The following TOGARAM2 variants were observed in gnomAD, a reference collection of about 807,000 sequenced individuals.
TOGARAM2 encodes the protein TOG array regulator of axonemal microtubules protein 2.
A neutral mutation model predicts 93.3 loss-of-function variants in TOGARAM2; 85 were observed. That is an observed-to-expected ratio of 0.91 (90% CI 0.76 to 1.09). The LOEUF (loss-of-function observed/expected upper bound fraction) is 1.09. TOGARAM2 is among the 50% of genes least tolerant of loss of function. The probability of loss-of-function intolerance (pLI) is 0.00; values close to 1 mark genes in which losing one functional copy is unlikely to be tolerated. For synonymous variants in TOGARAM2, 593 were observed against 552.8 expected (o/e 1.07, Z -1.02); for missense variants, 1,277 against 1,334.5 (o/e 0.96, Z 0.67).
rs181680313 is a variant in TOGARAM2 at position 29,044,149 on chromosome 2, G to T, written c.2636-1175G>T. On this transcript the variant is annotated intron_variant, in intron 18 of 19. Coordinates refer to ENST00000379558, the MANE Select transcript of TOGARAM2 (RefSeq NM_199280.4). ...CTGGGCAGCCAGGGAGCTGCGCCTC[G>T]CAGCTGGGTGTGGCTGGATGGTTGG... Among the ~76,000 whole-genome samples, 379 of 152,332 alleles carry T rather than the reference G, an allele frequency of 2.5e-3. 5 individuals carry two copies. Among genetic ancestry groups the T allele is most frequent in the African/African-American group, 8.8e-3 (365 of 41,576 alleles).
chr2:28,984,506 A>G (rs2148242378), intron 1 of TOGARAM2, among the ~76,000 whole-genome samples: 2 of 152,276 alleles, frequency 1.3e-5, no homozygotes, highest in Middle Eastern at 6.8e-3. Flanking sequence ...TTTGGACAAG[A>G]TGCTTTCTTG....
chr2:29,013,390 G>T (rs571400179), intron 7 of TOGARAM2, among the ~76,000 whole-genome samples: 1 of 152,140 alleles, frequency 6.6e-6, no homozygotes. Flanking sequence ...GGGAGAATTG[G>T]CTCACACGAT....
intron 1 of TOGARAM2, among the ~76,000 whole-genome samples, chr2:28,993,077 A>T (rs1245706725): frequency 7.2e-6 from 1 of 138,690 alleles, no homozygotes; most frequent in African/African-American, 2.7e-5. Context: ...AAAAAAAAAA[A>T]ATCAGAAGTT....
intron 1 of TOGARAM2, among the ~76,000 whole-genome samples, chr2:28,976,218 AT>A (rs1474644004): frequency 1.3e-5 from 2 of 152,124 alleles, no homozygotes; most frequent in Admixed American, 6.5e-5. Flanking sequence ...AAAATACAAA[AT>A]AATTAGCCGG....
intron 1 of TOGARAM2, among the ~76,000 whole-genome samples, chr2:28,971,812 T>G (rs1331745810): frequency 6.6e-6 from 1 of 152,212 alleles, no homozygotes; most frequent in Non-Finnish European, 1.5e-5. Flanking sequence ...AAATATTATT[T>G]GAATCGAATG....
Position 29,024,144 on chromosome 2 carries a change from C to G in TOGARAM2, c.1623C>G (p.Thr541=). ...DVCLVVTGEV[T]NLRSKVSHLA... is the part of the protein sequence containing the mutation. ...GCCTCTCTCCTCTCTCCAAGGTCAC[C>G]AACCTGCGGTCCAAGGTGTCTCACC... Residue 541 remains threonine, a synonymous_variant, in exon 13 of 20, where the codon ACC becomes ACG. Coordinates refer to ENST00000379558, the MANE Select transcript of TOGARAM2 (RefSeq NM_199280.4). 1 of 1,571,850 alleles carries G rather than the reference C, an allele frequency of 6.4e-7. No homozygotes were observed. Among genetic ancestry groups the G allele is most frequent in the Non-Finnish European group, 8.6e-7 (1 of 1,158,310 alleles).
intron 6 of TOGARAM2, among the ~76,000 whole-genome samples, chr2:29,010,890 C>A (rs1390597968): frequency 2.0e-5 from 3 of 152,296 alleles, no homozygotes; most frequent in South Asian, 4.1e-4. Flanking sequence ...TGTCTTCCCC[C>A]TCCTGTGGGT....
chr2:29,037,159 AG>A (rs1426149882), intron 18 of TOGARAM2, among the ~76,000 whole-genome samples: 1 of 152,094 alleles, frequency 6.6e-6, no homozygotes, highest in East Asian at 1.9e-4. Flanking sequence ...AAAGGATAGA[AG>A]AAAAAACGGT....
intron 10 of TOGARAM2, chr2:29,018,560 C>T (rs1209265802): frequency 6.6e-6 from 1 of 151,820 alleles, no homozygotes; most frequent in African/African-American, 2.4e-5. Context: ...AAACAGTCAG[C>T]TTGGTTCAGA....
At chr2:29,023,323 C>T (rs1665098995) in intron 12 of TOGARAM2, 132 bp downstream of exon 12, 1 of 733,588 alleles carries the variant, frequency 1.4e-6, no homozygotes, top group Non-Finnish European at 2.2e-6. Flanking sequence ...CCTTCAGCCA[C>T]TGAGGTAGGA....
intron 14 of TOGARAM2, among the ~76,000 whole-genome samples, chr2:29,028,210 T>C (rs538586555): frequency 7.9e-5 from 12 of 152,248 alleles, no homozygotes; most frequent in Admixed American, 2.0e-4. Flanking sequence ...CTGGAGACCA[T>C]GTGGCACCTG....
chr2:29,026,452 G>A (rs1665372474), intron 13 of TOGARAM2, among the ~76,000 whole-genome samples: 1 of 152,122 alleles, frequency 6.6e-6, no homozygotes, highest in African/African-American at 2.4e-5. Context: ...GGCAGTGGGT[G>A]GGATGTCTAA....
chr2:29,038,804 C>T (rs1666267593), intron 18 of TOGARAM2, among the ~76,000 whole-genome samples: 1 of 152,194 alleles, frequency 6.6e-6, no homozygotes, highest in South Asian at 2.1e-4. Context: ...CTATCTGGGC[C>T]TGATGGCTTT....
Position 29,011,794 on chromosome 2 carries a change from C to T in TOGARAM2, c.877+293C>T, listed in dbSNP as rs538029139. Among the ~76,000 whole-genome samples the T allele has an allele frequency of 4.3e-4, 66 of 152,294 alleles. 1 individual carries two copies. In the South Asian group the frequency reaches 0.012, roughly 29 times the overall value. ...GCCTCGATAAGAGAGACAATTCTGG[C>T]CGTGTGTGACAGACGAGCTGGCACA... On this transcript the variant is annotated intron_variant, in intron 7 of 19. Coordinates refer to ENST00000379558, the MANE Select transcript of TOGARAM2 (RefSeq NM_199280.4).
Position 29,024,169 on chromosome 2 carries a change from C to T in TOGARAM2, c.1648C>T (p.Leu550=), listed in dbSNP as rs1351951253. 4 of 1,593,058 alleles carry T rather than the reference C, an allele frequency of 2.5e-6. No individual in the cohort carries two copies. In the South Asian group the frequency reaches 3.4e-5, roughly 14 times the overall value. The part of the protein sequence containing the change: ...VTNLRSKVSH[L]AISTLGDLFQ... ...CAACCTGCGGTCCAAGGTGTCTCAC[C>T]TGGCCATCAGCACCTTGGGAGACCT... Residue 550 remains leucine, a synonymous_variant, in exon 13 of 20, where the codon CTG becomes TTG. Coordinates refer to ENST00000379558, the MANE Select transcript of TOGARAM2 (RefSeq NM_199280.4).
chr2:28,965,817 C>G (rs1051140548), intron 1 of TOGARAM2, among the ~76,000 whole-genome samples: 4 of 152,164 alleles, frequency 2.6e-5, no homozygotes, highest in African/African-American at 9.7e-5. Context: ...GATTGGGATG[C>G]CCCTTCCCTG....
rs1051113281 is a variant in TOGARAM2 at position 28,999,279 on chromosome 2, C to G, written c.238C>G (p.Pro80Ala). The part of the protein sequence containing the change: ...GQLGGLKLDT[P>A]SKGWQARNGH... ...GCTGGGTGGCCTCAAGCTGGACACC[C>G]CTTCCAAGGGCTGGCAGGCAAGGAA... The change falls in exon 4 of 20, where the codon CCT (proline) becomes GCT (alanine). Residue 80 changes from proline to alanine, a missense_variant. Transcript: ENST00000379558. 7 of 1,606,858 alleles carry G rather than the reference C, an allele frequency of 4.4e-6. No homozygotes were observed. The African/African-American group carries it at 8.0e-5, about 18-fold the overall frequency.
At chr2:29,039,134 C>A (rs1392808431) in intron 18 of TOGARAM2, among the ~76,000 whole-genome samples, 2 of 152,128 alleles carry the variant, frequency 1.3e-5, no homozygotes, top group Non-Finnish European at 2.9e-5. Context: ...TCCCAAATCA[C>A]CCAAGCTGAG....
At chr2:28,980,000 GC>G (rs1449053044), upstream of TOGARAM2, among the ~76,000 whole-genome samples, 1 of 152,180 alleles carries the variant, frequency 6.6e-6, no homozygotes, top group Non-Finnish European at 1.5e-5. Context: ...GTGGCTTGGG[GC>G]AAGGGCTTAA....
Sources: gnomAD v4.1 joint callset for allele counts (sites outside exome capture counted in the v4.1 genomes callset) on GRCh38, gnomAD v4.1.1 for gene constraint, MANE v1.5 for transcripts, NCBI Gene and HGNC (gene_info 2026-07-23, HGNC 2026-07-21) for gene names.